Variants in ACOX1 observed in about 807,000 individuals in gnomAD.
ACOX1 encodes peroxisomal acyl-coenzyme A oxidase 1.
Under a neutral mutation model 75.5 loss-of-function variants are expected in ACOX1, and 41 were observed. That is an observed-to-expected ratio of 0.54 (90% confidence interval 0.42 to 0.70). ACOX1 has a LOEUF of 0.70. Among genes scored for constraint, ACOX1 ranks in the 30% least tolerant of loss-of-function variants. The probability of loss-of-function intolerance (pLI) is 0.00; values close to 1 mark genes in which losing one functional copy is unlikely to be tolerated. For missense variants in ACOX1, 630 were observed against 837.5 expected (o/e 0.75, Z 3.06); for synonymous variants, 303 against 298.8 (o/e 1.01, Z -0.15).
chr17:75,970,183 T>C (rs1333741054), intron 2 of ACOX1, among the ~76,000 whole-genome samples: 1 of 47,730 alleles, frequency 2.1e-5, no homozygotes, highest in Non-Finnish European at 3.6e-5. Context: ...TGAGACTCCT[T>C]CAAAAAAAAA....
At chr17:75,951,014 C>G (rs765646940) in intron 8 of ACOX1, 50 bp from the exon 9 acceptor site, 5 of 1,584,122 alleles carry the variant, frequency 3.2e-6, no homozygotes, top group Non-Finnish European at 3.4e-6. Context: ...GCTGAGAGCC[C>G]GAGAACCAAT....
rs1426044020 is a variant in ACOX1 at position 75,960,086 on chromosome 17, TGCAGAAAGA to T, written c.430+120_430+128del. On this transcript the variant is annotated intron_variant, in intron 3 of 13. Transcript: ENST00000293217. This position sits in a 1 kb window ranked among gnomAD's most constrained non-coding sequence, Gnocchi z 4.4. ...AGTGTTTATACCAAAACCTGGACTC[TGCAGAAAGA>T]GCTCATTTAAACAGACCATAGAACA... 2.6e-6 allele frequency: 3 copies of T among 1,160,442 alleles called. No individual in the cohort carries two copies. The highest frequency in any genetic ancestry group is 3.7e-6 in the Non-Finnish European group (3 of 805,392). The allele number at this position is 1,160,442 out of a possible 1,614,324, so 71.9% of individuals were successfully genotyped here.
At chr17:75,975,891 GAAAA>G (rs1303728151) in intron 2 of ACOX1, among the ~76,000 whole-genome samples, 2 of 145,142 alleles carry the variant, frequency 1.4e-5, no homozygotes, top group East Asian at 2.0e-4. Flanking sequence ...GAGAGAGAAA[GAAAA>G]AGAAAGAGGA....
intron 2 of ACOX1, among the ~76,000 whole-genome samples, chr17:75,969,345 T>C (rs2065971585): frequency 6.6e-6 from 1 of 151,762 alleles, no homozygotes; most frequent in African/African-American, 2.4e-5. Flanking sequence ...TTTGTATTTT[T>C]AGTACGGACG....
intron 2 of ACOX1, among the ~76,000 whole-genome samples, chr17:75,975,313 C>T (rs2066037821): frequency 6.6e-6 from 1 of 152,020 alleles, no homozygotes; most frequent in African/African-American, 2.4e-5. Context: ...CGTGTGCCAC[C>T]AAGCCCGGTT....
Position 75,957,002 on chromosome 17 carries a change from T to TAC in ACOX1, c.538+456_538+457insGT, listed in dbSNP as rs1266989848. Among the ~76,000 whole-genome samples, 30 of 82,294 alleles carry TAC rather than the reference T, an allele frequency of 3.6e-4. 1 individual carries two copies. The highest frequency in any genetic ancestry group is 5.7e-3 in the Middle Eastern group (1 of 174). 54.0% of individuals were successfully genotyped at this position (82,294 alleles called of 152,430 possible). On this transcript the variant is annotated intron_variant, in intron 4 of 13. Coordinates refer to ENST00000293217, the MANE Select transcript of ACOX1 (RefSeq NM_004035.7). ...ATATATATATATATATATATATATATATATATACACACACACACCTCTCTC... is the reference window on the plus strand; with the variant it reads ...ATATATATATATATATATATATATATACATATATACACACACACACCTCTCTC...
At chr17:75,966,186 C>T (rs956519713) in intron 2 of ACOX1, among the ~76,000 whole-genome samples, 6 of 151,460 alleles carry the variant, frequency 4.0e-5, no homozygotes, top group Admixed American at 6.6e-5. Flanking sequence ...AGGCCAGGTG[C>T]GGTGGCTCGT....
At chr17:75,968,922 CA>C (rs34391774) in intron 2 of ACOX1, among the ~76,000 whole-genome samples, 62,324 of 114,998 alleles carry the variant, frequency 0.54, 16,909 homozygotes, top group African/African-American at 0.82. Flanking sequence ...AACTCCGTCT[CA>C]AAAAAAAAAA....
At chr17:75,965,337 C>CAAAAAAAAAA (rs11293371) in intron 2 of ACOX1, among the ~76,000 whole-genome samples, 1 of 81,700 alleles carries the variant, frequency 1.2e-5, no homozygotes, top group Non-Finnish European at 2.6e-5. Context: ...GACTCTGTCT[C>CAAAAAAAAAA]AAAAAAAAAA....
chr17:75,956,963 CTCTCTCTCTATATATATATATATA>C (rs1319768709), intron 4 of ACOX1, among the ~76,000 whole-genome samples: 352 of 19,060 alleles, frequency 0.018, 4 homozygotes, highest in Middle Eastern at 0.025. Context: ...CTCTCTCTCT[CTCTCTCTCTATATATATATATATA>C]TATATATATA....
Position 75,979,166 on chromosome 17 carries a change from C to T in ACOX1, c.-93G>A, listed in dbSNP as rs900152454. The T allele has an allele frequency of 7.2e-6, 11 of 1,519,084 alleles. No homozygotes were observed. The highest frequency in any genetic ancestry group is 3.8e-5 in the Admixed American group (2 of 52,640). The allele number at this position is 1,519,084 out of a possible 1,614,324, so 94.1% of individuals were successfully genotyped here. On this transcript the variant is annotated 5_prime_UTR_variant, in exon 1 of 14. Coordinates refer to ENST00000293217, the MANE Select transcript of ACOX1 (RefSeq NM_004035.7). ...CCAGCGCCGGCCGGACCCTAGGAGG[C>T]AGCCTCAGGACGGCGCAAGTCCCCG...
Position 75,955,857 on chromosome 17 carries a change from C to G in ACOX1, c.629G>C (p.Arg210Pro), listed in dbSNP as rs372701360. The G allele has an allele frequency of 1.2e-6, 2 of 1,614,038 alleles. No individual in the cohort carries two copies. The highest frequency in any genetic ancestry group is 1.3e-5 in the African/African-American group (1 of 75,006). ...YGLHAFIVPI[R>P]EIGTHKPLPG... ...CAAAGGCTTATGGGTCCCGATTTCA[C>G]GAATAGGTACGATAAAGGCATGTAA... The change falls in exon 5 of 14, where the codon CGT becomes CCT. Residue 210 changes from arginine to proline, a missense_variant. This residue lies in a region of ACOX1 where 390 missense variants were observed against 574.9 expected (regional missense o/e 0.68). Coordinates refer to ENST00000293217, the MANE Select transcript of ACOX1 (RefSeq NM_004035.7).
Position 75,960,955 on chromosome 17 carries a change from G to A in ACOX1, c.270-580C>T, listed in dbSNP as rs544135741. On this transcript the variant is annotated intron_variant, in intron 2 of 13. Coordinates refer to ENST00000293217, the MANE Select transcript of ACOX1 (RefSeq NM_004035.7). The surrounding 1 kb of genome is among the most constrained non-coding windows in gnomAD (Gnocchi z 4.4). ...ATCATGCCCACTGCATTCCAGCCTGGGTGACAGAGTGAGACTCTGTCTCAA... is the reference window on the plus strand; with the variant it reads ...ATCATGCCCACTGCATTCCAGCCTGAGTGACAGAGTGAGACTCTGTCTCAA... Among the ~76,000 whole-genome samples, 186 of 152,092 alleles carry A rather than the reference G, an allele frequency of 1.2e-3. No individual in the cohort carries two copies. Among genetic ancestry groups the A allele is most frequent in the African/African-American group, 4.0e-3 (168 of 41,486 alleles).
rs1198633976 is a variant in ACOX1, at chr17:75,949,313, G to A, written c.1632C>T (p.Leu544=). The change falls in exon 12 of 14, where the codon CTC becomes CTT. Residue 544 remains leucine (L), a synonymous_variant. Transcript: ENST00000293217. ...VVVKLFSEKL[L]KIQDKAIQAV... is the part of the protein sequence containing the mutation. ...CTTGAATGGCTTTATCTTGAATTTT[G>A]AGGAGTTTTTCTGAAAAGAGCTTAA... 5 of 1,614,142 alleles carry A rather than the reference G, an allele frequency of 3.1e-6. No homozygotes were observed. In the East Asian group the frequency reaches 1.1e-4, roughly 36 times the overall value.
Position 75,949,376 on chromosome 17 carries a change from A to C in ACOX1, c.1585-16T>G. 6.2e-7 allele frequency: 1 copy of C among 1,614,148 alleles called. No homozygotes were observed. The highest frequency in any genetic ancestry group is 8.5e-7 in the Non-Finnish European group (1 of 1,180,026). On this transcript the variant is annotated splice_polypyrimidine_tract_variant and intron_variant, in intron 11 of 13. Transcript: ENST00000293217. Reference sequence around the variant, plus strand: ...GGCAATGTGCCTAAGATTAAAAAGAAAACACCAGAGTTTGAGAACCTTGGA... The same window carrying C: ...GGCAATGTGCCTAAGATTAAAAAGACAACACCAGAGTTTGAGAACCTTGGA...
Position 75,946,876 on chromosome 17 carries a change from G to GT in ACOX1, c.1936-82dup, listed in dbSNP as rs373022785. On this transcript the variant is annotated intron_variant, in intron 13 of 13. Transcript: ENST00000293217. ...TATACTGTTTTTTGTTTTTGTTTTT[G>GT]TTTTTTTTTTGAGACTGAGTCCTGC... 0.028 allele frequency: 31,577 copies of GT among 1,110,494 alleles called. 34 individuals are homozygous for GT. Among genetic ancestry groups the GT allele is most frequent in the African/African-American group, 0.045 (2,755 of 61,460 alleles). The allele number at this position is 1,110,494 out of a possible 1,614,324, so 68.8% of individuals were successfully genotyped here.
chr17:75,953,227 T>A (rs986633377), intron 7 of ACOX1: 10 of 462,600 alleles, frequency 2.2e-5, no homozygotes, highest in Non-Finnish European at 4.0e-5. Flanking sequence ...GTGGGTATTC[T>A]CTTTTTTTCT....
chr17:75,956,961 CTCTCTCTCTCTATATATA>C (rs1464734828), intron 4 of ACOX1, among the ~76,000 whole-genome samples: 54 of 22,190 alleles, frequency 2.4e-3, no homozygotes, highest in African/African-American at 5.8e-3. Context: ...CTCTCTCTCT[CTCTCTCTCTCTATATATA>C]TATATATATA....
Position 75,958,633 on chromosome 17 carries a change from C to G in ACOX1, c.431-1067G>C, listed in dbSNP as rs537004520. Among the ~76,000 whole-genome samples the G allele has an allele frequency of 2.0e-5, 3 of 151,730 alleles. No individual in the cohort carries two copies. In the South Asian group the frequency reaches 6.2e-4, roughly 31 times the overall value. On this transcript the variant is annotated intron_variant, in intron 3 of 13. Coordinates refer to ENST00000293217, the MANE Select transcript of ACOX1 (RefSeq NM_004035.7). ...ACCATCCTGGTTAACACGGCGAAAC[C>G]CCGTCTCTACTAAAAATACAAAAAA... is the stretch of plus-strand genomic sequence containing the variant.
Sources: gnomAD v4.1 joint callset for allele counts (sites outside exome capture counted in the v4.1 genomes callset) on GRCh38, gnomAD v4.1.1 for gene constraint, gnomAD v4.1.1 regional missense constraint, Gnocchi (gnomAD v3.1) non-coding constraint, MANE v1.5 for transcripts, NCBI Gene and HGNC (gene_info 2026-07-23, HGNC 2026-07-21) for gene names.